The following HDC variants were observed in gnomAD, a reference collection of about 807,000 sequenced individuals.
The protein encoded by HDC is histidine decarboxylase.
In HDC, 27 loss-of-function variants were observed where a neutral mutation model predicts 64.4. The observed-to-expected ratio is 0.42, with a 90% CI of 0.31 to 0.58. The LOEUF (loss-of-function observed/expected upper bound fraction) is 0.58, where lower values mean the gene tolerates loss of function less well. Among genes scored for constraint, HDC ranks in the 20% least tolerant of loss-of-function variants. The probability of loss-of-function intolerance (pLI) is 0.16; values close to 1 mark genes in which losing one functional copy is unlikely to be tolerated. For synonymous variants in HDC, 305 were observed against 314.2 expected, an observed-to-expected ratio of 0.97 and a Z score of 0.31; for missense variants, 711 against 833.9, an observed-to-expected ratio of 0.85 and a Z score of 1.81.
chr15:50,254,737 TTTCTCTCTC>T, intron 4 of HDC, 73 bp from the exon 5 acceptor site: 23 of 875,730 alleles, frequency 2.6e-5, no homozygotes, highest in Non-Finnish European at 3.5e-5. Context: ...TTTCTAGTTT[TTTCTCTCTC>T]TCTCTCTCTC....
chr15:50,263,787 A>G (rs1415142677), intron 1 of HDC, among the ~76,000 whole-genome samples: 2 of 152,142 alleles, frequency 1.3e-5, no homozygotes, highest in South Asian at 2.1e-4. Flanking sequence ...ACTCAAAAAA[A>G]AGAGAGAGAC....
At chr15:50,249,414 C>T (rs2045524980) in intron 9 of HDC, among the ~76,000 whole-genome samples, 1 of 152,212 alleles carries the variant, frequency 6.6e-6, no homozygotes, top group African/African-American at 2.4e-5. Context: ...TCTGCCCATA[C>T]ACAAGATTAT....
intron 7 of HDC, 137 bp from the exon 8 acceptor site, chr15:50,252,911 G>A (rs988419032): frequency 1.2e-5 from 10 of 800,394 alleles, no homozygotes; most frequent in Non-Finnish European, 1.8e-5. Context: ...GTGGAGATGG[G>A]AGCAGGTGGA....
At chr15:50,263,106 G>T in intron 2 of HDC, 129 bp downstream of exon 2, 1 of 905,078 alleles carries the variant, frequency 1.1e-6, no homozygotes, top group Non-Finnish European at 1.8e-6. Context: ...GGGCTGGGGT[G>T]TTGGTGGCCA....
In HDC at chr15:50,242,767, G is replaced by T; in HGVS notation, c.1482C>A (p.Ile494=). Reference sequence around the variant, plus strand: ...CACAGGCCCAGGCTCTGGCACCCCTGATTTGGGAGATGAGGTTCCCAACCC... The same window carrying T: ...CACAGGCCCAGGCTCTGGCACCCCTTATTTGGGAGATGAGGTTCCCAACCC... The part of the protein sequence containing the change: ...SPRVGNLISQ[I]RGARAWACGT... The change falls in exon 12 of 12, where the codon ATC becomes ATA. Residue 494 remains isoleucine, a synonymous_variant. Transcript: ENST00000267845. 6.2e-7 allele frequency: 1 copy of T among 1,613,966 alleles called. No homozygotes were observed. The highest frequency in any genetic ancestry group is 8.5e-7 in the Non-Finnish European group (1 of 1,180,004).
intron 2 of HDC, among the ~76,000 whole-genome samples, chr15:50,260,054 C>T (rs890302492): frequency 6.6e-6 from 1 of 150,878 alleles, no homozygotes; most frequent in African/African-American, 2.4e-5. Flanking sequence ...CAGATTCTCG[C>T]ACTGTCACCA....
At chr15:50,264,589 G>C (rs372667985) in intron 1 of HDC, among the ~76,000 whole-genome samples, 6 of 152,294 alleles carry the variant, frequency 3.9e-5, no homozygotes, top group African/African-American at 1.4e-4. Context: ...TGCTGTGTGT[G>C]CATGTGTGTG....
In HDC at chr15:50,257,473, C is replaced by G. The variant is rs371786661; in HGVS notation, c.393G>C (p.Glu131Asp). 6.2e-7 allele frequency: 1 copy of G among 1,614,122 alleles called. No homozygotes were observed. The highest frequency in any genetic ancestry group is 1.3e-5 in the African/African-American group (1 of 74,948). The part of the protein sequence containing the change: ...DWLAKMLGLP[E>D]HFLHHHPSSQ... ...TGCTGGGGTGGTGGTGCAAGAAGTGCTCTGGAAGTCCCAGCATTTTTGCCA... is the reference window on the plus strand; with the variant it reads ...TGCTGGGGTGGTGGTGCAAGAAGTGGTCTGGAAGTCCCAGCATTTTTGCCA... Residue 131 changes from glutamate to aspartate, a missense_variant, in exon 4 of 12, where the codon GAG becomes GAC. This residue lies in a region of HDC where 225 missense variants were observed against 276.2 expected (regional missense o/e 0.81). Transcript: ENST00000267845.
Position 50,253,640 on chromosome 15 carries a change from C to T in HDC, c.747G>A (p.Gly249=). The change falls in exon 7 of 12, where the codon GGG becomes GGA. Residue 249 remains glycine, a synonymous_variant. Transcript: ENST00000267845. ...VFVCATLGTT[G]VCAFDCLSEL... is the part of the protein sequence containing the mutation. Reference sequence around the variant, plus strand: ...CTGACAGGCAGTCAAATGCACAGACCCCAGTGGTCCCTAGTGTTGCACAGA... The same window carrying T: ...CTGACAGGCAGTCAAATGCACAGACTCCAGTGGTCCCTAGTGTTGCACAGA... 1 of 1,613,542 alleles carries T rather than the reference C, an allele frequency of 6.2e-7. No individual in the cohort carries two copies. Among genetic ancestry groups the T allele is most frequent in the Middle Eastern group, 1.8e-4 (1 of 5,656 alleles).
rs373796506 is a variant in HDC at position 50,253,607 on chromosome 15, G to T, written c.780C>A (p.Gly260=). The change falls in exon 7 of 12, where the codon GGC becomes GGA. Residue 260 remains glycine, a synonymous_variant. Coordinates refer to ENST00000267845, the MANE Select transcript of HDC (RefSeq NM_002112.4). The stretch of plus-strand genomic sequence containing the variant: ...CAGAGGGAAGATACTTACAGATGGG[G>T]CCCAGCTCTGACAGGCAGTCAAATG... ...VCAFDCLSEL[G]PICAREGLWL... is the part of the protein sequence containing the mutation. 19 of 1,613,496 alleles carry T rather than the reference G, an allele frequency of 1.2e-5. No individual in the cohort carries two copies. Among genetic ancestry groups the T allele is most frequent in the Non-Finnish European group, 1.6e-5 (19 of 1,179,652 alleles).
chr15:50,258,703 C>T (rs8029889), intron 2 of HDC, among the ~76,000 whole-genome samples, 186 bp from the exon 3 acceptor site: 26,173 of 152,168 alleles, frequency 0.17, 2,443 homozygotes, highest in South Asian at 0.24. Flanking sequence ...ACTAATGTGG[C>T]CCATGTCCTA....
At chr15:50,254,748 C>CTCTT (rs2045607576) in intron 4 of HDC, 84 bp from the exon 5 acceptor site, 10 of 746,130 alleles carry the variant, frequency 1.3e-5, no homozygotes, top group Non-Finnish European at 2.1e-5. Context: ...TTCTCTCTCT[C>CTCTT]TCTCTCTCTC....
chr15:50,254,025 C>T, intron 6 of HDC, 105 bp downstream of exon 6: 1 of 1,218,304 alleles, frequency 8.2e-7, no homozygotes. Flanking sequence ...ATGGGAGGAC[C>T]TTTCTGCTTT....
intron 6 of HDC, 44 bp downstream of exon 6, chr15:50,254,086 T>A (rs1281172548): frequency 6.2e-7 from 1 of 1,611,030 alleles, no homozygotes; most frequent in South Asian, 1.1e-5. Context: ...CTTCCTCACA[T>A]CCAAGTTCTA....
At chr15:50,252,919 G>A in intron 7 of HDC, 145 bp from the exon 8 acceptor site, 2 of 770,482 alleles carry the variant, frequency 2.6e-6, no homozygotes, top group Middle Eastern at 3.7e-4. Flanking sequence ...GGGAGCAGGT[G>A]GAGTCAGTTT....
chr15:50,246,888 C>T (rs756810416), intron 10 of HDC, among the ~76,000 whole-genome samples: 51 of 152,186 alleles, frequency 3.4e-4, no homozygotes, highest in Non-Finnish European at 6.5e-4. Context: ...GGCAGCTGCT[C>T]ATTGGTAAAC....
rs1285000230 is a variant in HDC at position 50,263,371 on chromosome 15, C to T, written c.68G>A (p.Ser23Asn). 1 of 1,614,208 alleles carries T rather than the reference C, an allele frequency of 6.2e-7. No homozygotes were observed. Among genetic ancestry groups the T allele is most frequent in the East Asian group, 2.2e-5 (1 of 44,890 alleles). Residue 23 changes from serine to asparagine, a missense_variant, in exon 2 of 12, where the codon AGC becomes AAC. Physicochemically the swap from Ser to Asn is conservative, Grantham distance 46 (BLOSUM62 1). Coordinates refer to ENST00000267845, the MANE Select transcript of HDC (RefSeq NM_002112.4). The part of the protein sequence containing the change: ...EMVDYICQYL[S>N]TVRERRVTPD... ...CGTCACACGTCTCTCCCGCACAGTG[C>T]TCAGGTACTGGCAGATGTAATCCAC... is the stretch of plus-strand genomic sequence containing the variant.
In HDC at chr15:50,265,685, C is replaced by A; in HGVS notation, c.-62G>T. Reference sequence around the variant, plus strand: ...CGCAGGAGGTGGAAGGCGTGAAAGGCGTGGAGCAGCCCGGCTTCCCTCTTG... The same window carrying A: ...CGCAGGAGGTGGAAGGCGTGAAAGGAGTGGAGCAGCCCGGCTTCCCTCTTG... On this transcript the variant is annotated 5_prime_UTR_variant, in exon 1 of 12. Transcript: ENST00000267845. 1 of 1,530,914 alleles carries A rather than the reference C, an allele frequency of 6.5e-7. No homozygotes were observed. Among genetic ancestry groups the A allele is most frequent in the Non-Finnish European group, 9.0e-7 (1 of 1,105,120 alleles). The allele number at this position is 1,530,914 out of a possible 1,614,324, so 94.8% of individuals were successfully genotyped here.
intron 4 of HDC, among the ~76,000 whole-genome samples, chr15:50,256,039 G>A (rs745840753): frequency 1.6e-4 from 24 of 152,272 alleles, no homozygotes; most frequent in Non-Finnish European, 2.1e-4. Context: ...TTGAATCCTC[G>A]TTCTTCCGCT....
Sources: allele counts gnomAD v4.1 joint callset (sites outside exome capture counted in the v4.1 genomes callset), GRCh38; gene constraint gnomAD v4.1.1; regional missense constraint gnomAD v4.1.1; transcripts MANE v1.5; gene names NCBI Gene and HGNC (gene_info 2026-07-23, HGNC 2026-07-21).